DYNC2I1: variants seen among roughly 807,000 people sequenced by gnomAD.
The protein encoded by DYNC2I1 is dynein 2 intermediate chain 1.
Under a neutral mutation model 133.4 loss-of-function variants are expected in DYNC2I1, and 89 were observed. The ratio of observed to expected loss-of-function variants is 0.67; its 90% confidence interval spans 0.56 to 0.80. DYNC2I1 has a LOEUF of 0.80. Among genes scored for constraint, DYNC2I1 ranks in the 30% least tolerant of loss-of-function variants. DYNC2I1 has a pLI of 0.00. For missense variants in DYNC2I1, 1,291 were observed against 1,314.5 expected, an observed-to-expected ratio of 0.98 and a Z score of 0.28; for synonymous variants, 504 against 484.3, an observed-to-expected ratio of 1.04 and a Z score of -0.54.
rs752873400 is a variant in DYNC2I1, at chr7:158,891,266, A to G, written c.992A>G (p.His331Arg). 15 of 1,613,890 alleles carry G rather than the reference A, an allele frequency of 9.3e-6. No homozygotes were observed. Among genetic ancestry groups the G allele is most frequent in the South Asian group, 5.5e-5 (5 of 91,092 alleles). ...ATGGGGCTGTTCTCTCTCCATTAGC[A>G]TGGCCACGAGGAAGGCTCTTCTGTG... ...HGKDKDSRRK[H>R]GHEEGSSVWW... Residue 331 changes from histidine to arginine, a missense_variant and splice_region_variant, in exon 8 of 25, where the codon CAT (histidine) becomes CGT (arginine). Coordinates refer to ENST00000407559, the MANE Select transcript of DYNC2I1 (RefSeq NM_018051.5).
chr7:158,922,173 G>C (rs1261322233), intron 15 of DYNC2I1, among the ~76,000 whole-genome samples: 1 of 152,210 alleles, frequency 6.6e-6, no homozygotes, highest in Non-Finnish European at 1.5e-5. Flanking sequence ...ATTTTAGCCA[G>C]ACTCTGAGGT....
chr7:158,940,163 G>C (rs1281201428), intron 23 of DYNC2I1, among the ~76,000 whole-genome samples: 1 of 152,192 alleles, frequency 6.6e-6, no homozygotes, highest in Non-Finnish European at 1.5e-5. Context: ...TTTGGCACCA[G>C]AGACTGGTTT....
At chr7:158,878,727 A>AGGAGGACT (rs1843660130) in intron 4 of DYNC2I1, among the ~76,000 whole-genome samples, 1 of 95,348 alleles carries the variant, frequency 1.0e-5, no homozygotes, top group Admixed American at 1.1e-4. Context: ...CGAGGAGGGC[A>AGGAGGACT]GACTGTGAGT....
rs117478788 is a variant in DYNC2I1, at chr7:158,887,130, A to G, written c.990+55A>G. 1.0e-3 allele frequency: 1,608 copies of G among 1,559,542 alleles called. 14 individuals carry two copies. The East Asian group carries it at 0.019, about 19-fold the overall frequency. On this transcript the variant is annotated intron_variant, in intron 7 of 24. Coordinates refer to ENST00000407559, the MANE Select transcript of DYNC2I1 (RefSeq NM_018051.5). ...ATTTTATGGTACATTGAGATTAACC[A>G]TAATCTTACTTTGGGCTTCCCCTTG...
At chr7:158,929,205 G>C (rs1435986886) in intron 20 of DYNC2I1, among the ~76,000 whole-genome samples, 1 of 152,250 alleles carries the variant, frequency 6.6e-6, no homozygotes, top group Non-Finnish European at 1.5e-5. Flanking sequence ...TCTTTGTGTA[G>C]GCATTGGATG....
chr7:158,868,209 C>T (rs994773037), intron 1 of DYNC2I1, among the ~76,000 whole-genome samples: 3 of 152,210 alleles, frequency 2.0e-5, no homozygotes, highest in African/African-American at 4.8e-5. Flanking sequence ...TTTAAGACCA[C>T]GGCACCTTGT....
chr7:158,956,251 C>T (rs1209507534), intron 4 of DYNC2I1, among the ~76,000 whole-genome samples: 2 of 152,208 alleles, frequency 1.3e-5, no homozygotes, highest in Non-Finnish European at 2.9e-5. Context: ...TAATCTGCCC[C>T]GTGCAGAATA....
intron 1 of DYNC2I1, among the ~76,000 whole-genome samples, chr7:158,857,459 AT>A (rs1180254784): frequency 2.2e-5 from 3 of 138,572 alleles, no homozygotes; most frequent in East Asian, 4.4e-4. Context: ...CACTCCTATT[AT>A]TTTTTCCCCA....
rs111926266 is a variant in DYNC2I1, at chr7:158,930,322, G to A, written c.2486-133G>A. 2,256 of 798,526 alleles carry A rather than the reference G, an allele frequency of 2.8e-3. 41 individuals are homozygous for A. In the African/African-American group the frequency reaches 0.033, roughly 12 times the overall value. The allele number at this position is 798,526 out of a possible 1,614,324, so 49.5% of individuals were successfully genotyped here. On this transcript the variant is annotated intron_variant, in intron 20 of 24. Coordinates refer to ENST00000407559, the MANE Select transcript of DYNC2I1 (RefSeq NM_018051.5). Reference sequence around the variant, plus strand: ...ACCCAGAGGAAGGGAGGGATGCTGTGTATTGATTTGCATTTGATGTTATTT... The same window carrying A: ...ACCCAGAGGAAGGGAGGGATGCTGTATATTGATTTGCATTTGATGTTATTT...
At chr7:158,894,124 C>T (rs113127836) in intron 8 of DYNC2I1, among the ~76,000 whole-genome samples, 23 of 125,660 alleles carry the variant, frequency 1.8e-4, no homozygotes, top group Middle Eastern at 3.9e-3. Flanking sequence ...CATATCCTAC[C>T]GCATATCATA....
At chr7:158,848,222 T>A in the DYNC2I1 span, among the ~76,000 whole-genome samples, 1 of 152,170 alleles carries the variant, frequency 6.6e-6, no homozygotes, top group African/African-American at 2.4e-5. Context: ...ACTGCTCAAC[T>A]CTCCCTATAA....
At chr7:158,931,172 G>A (rs188681063) in intron 21 of DYNC2I1, among the ~76,000 whole-genome samples, 31 of 152,278 alleles carry the variant, frequency 2.0e-4, no homozygotes, top group Admixed American at 4.6e-4. Context: ...TTAGATTTAT[G>A]CTTTTACTCA....
downstream of DYNC2I1, among the ~76,000 whole-genome samples, chr7:158,948,262 A>G (rs1006774974): frequency 6.6e-5 from 10 of 152,248 alleles, 1 homozygote; most frequent in Admixed American, 3.9e-4. Flanking sequence ...CTGACTTTAC[A>G]GCAAGGCCGC....
At chr7:158,894,152 T>TA (rs1585064820) in intron 8 of DYNC2I1, among the ~76,000 whole-genome samples, 2 of 152,200 alleles carry the variant, frequency 1.3e-5, no homozygotes, top group East Asian at 3.8e-4. Context: ...TCCTACCACA[T>TA]ATCGTACATC....
At chr7:158,946,408 T>C (rs193060335), downstream of DYNC2I1, among the ~76,000 whole-genome samples, 1 of 152,368 alleles carries the variant, frequency 6.6e-6, no homozygotes, top group African/African-American at 2.4e-5. Context: ...CTGGGTAGTT[T>C]ATCAGCAACA....
upstream of DYNC2I1, among the ~76,000 whole-genome samples, chr7:158,852,070 C>T (rs1841071001): frequency 6.6e-6 from 1 of 152,140 alleles, no homozygotes; most frequent in African/African-American, 2.4e-5. Flanking sequence ...TACACAGGCA[C>T]CCTCCCTCTA....
chr7:158,902,139 A>C (rs1408049896), intron 9 of DYNC2I1, among the ~76,000 whole-genome samples: 2 of 152,246 alleles, frequency 1.3e-5, no homozygotes, highest in African/African-American at 2.4e-5. Context: ...ATGATAGTTG[A>C]TAGGTCTTCT....
chr7:158,861,481 A>G (rs1026072043), intron 1 of DYNC2I1, among the ~76,000 whole-genome samples: 2 of 152,032 alleles, frequency 1.3e-5, no homozygotes, highest in East Asian at 1.9e-4. Context: ...AATGAAATCT[A>G]TTTCACCACT....
the DYNC2I1 span, among the ~76,000 whole-genome samples, chr7:158,841,221 A>T: frequency 0.026 from 2,206 of 85,280 alleles, 118 homozygotes; most frequent in South Asian, 0.051. Flanking sequence ...ATATATATAT[A>T]TTTTAGACAG....
Sources: allele counts gnomAD v4.1 joint callset (sites outside exome capture counted in the v4.1 genomes callset), GRCh38; gene constraint gnomAD v4.1.1; transcripts MANE v1.5; gene names NCBI Gene and HGNC (gene_info 2026-07-23, HGNC 2026-07-21).